Variants in FER observed in about 807,000 individuals in gnomAD.
The protein encoded by FER is tyrosine-protein kinase Fer.
In FER, 63 loss-of-function variants were observed where a neutral mutation model predicts 111.0. The ratio of observed to expected loss-of-function variants is 0.57; its 90% CI spans 0.46 to 0.70. The LOEUF (loss-of-function observed/expected upper bound fraction) is 0.70. Among genes scored for constraint, FER ranks in the 30% least tolerant of loss-of-function variants. The pLI, the probability that FER is intolerant of heterozygous loss-of-function variation, is 0.00. For missense variants in FER, 914 were observed against 954.0 expected, an observed-to-expected ratio of 0.96 and a Z score of 0.55; for synonymous variants, 327 against 313.9, an observed-to-expected ratio of 1.04 and a Z score of -0.44.
intron 17 of FER, 143 bp from the exon 18 acceptor site, chr5:109,180,604 A>G (rs1758191574): frequency 1.1e-6 from 1 of 877,586 alleles, no homozygotes; most frequent in African/African-American, 1.7e-5. Context: ...GACAGAAAAG[A>G]TGAGGACTGG....
Position 109,016,576 on chromosome 5 carries a change from C to T in FER, c.1657-20846C>T, listed in dbSNP as rs911788336. On this transcript the variant is annotated intron_variant, in intron 13 of 19. Coordinates refer to ENST00000281092, the MANE Select transcript of FER (RefSeq NM_005246.4). ...TGATATCAGACCAGCTTTCTCTTAT[C>T]ACTGATAAAGCCATGACCACAGATG... 1.1e-4 allele frequency among the ~76,000 whole-genome samples: 17 copies of T among 152,122 alleles called. No homozygotes were observed. The Middle Eastern group carries it at 0.024, about 213-fold the overall frequency.
intron 5 of FER, chr5:108,842,388 A>G (rs763178186): frequency 6.6e-6 from 1 of 152,202 alleles, no homozygotes; most frequent in African/African-American, 2.4e-5. Flanking sequence ...CAATAAAAAC[A>G]AAGATAAATA....
intron 16 of FER, among the ~76,000 whole-genome samples, chr5:109,058,461 A>G (rs1226241576): frequency 6.6e-6 from 1 of 152,072 alleles, no homozygotes; most frequent in Non-Finnish European, 1.5e-5. Flanking sequence ...ATGGTAAGAT[A>G]CTGTAGTATT....
At chr5:109,111,460 G>A (rs897125060) in intron 17 of FER, among the ~76,000 whole-genome samples, 2 of 152,068 alleles carry the variant, frequency 1.3e-5, no homozygotes, top group Non-Finnish European at 2.9e-5. Flanking sequence ...ATAGATTGGT[G>A]CAAAAGTAAT....
intron 13 of FER, among the ~76,000 whole-genome samples, chr5:108,977,550 A>C (rs1222824615): frequency 2.0e-5 from 3 of 152,156 alleles, no homozygotes; most frequent in Non-Finnish European, 4.4e-5. Flanking sequence ...TAGAACCTCA[A>C]ACTCAGCATT....
chr5:108,845,019 T>TATATATATATATATATATAC (rs1561502899), intron 5 of FER, among the ~76,000 whole-genome samples: 6 of 51,546 alleles, frequency 1.2e-4, no homozygotes, highest in Non-Finnish European at 1.9e-4. Context: ...TATATATATA[T>TATATATATATATATATATAC]ATATATATAT....
intron 10 of FER, among the ~76,000 whole-genome samples, chr5:108,913,905 A>G (rs541972851): frequency 1.3e-5 from 2 of 152,216 alleles, no homozygotes; most frequent in African/African-American, 2.4e-5. Flanking sequence ...CAGACATTAC[A>G]TATTCTGTGA....
At chr5:108,973,143 A>G (rs1381422455) in intron 13 of FER, among the ~76,000 whole-genome samples, 1 of 152,184 alleles carries the variant, frequency 6.6e-6, no homozygotes, top group Non-Finnish European at 1.5e-5. Flanking sequence ...TTTGAAAATT[A>G]AAGCCCTGTA....
At chr5:109,140,248 A>G (rs1753381607) in intron 17 of FER, among the ~76,000 whole-genome samples, 1 of 152,206 alleles carries the variant, frequency 6.6e-6, no homozygotes, top group Non-Finnish European at 1.5e-5. Context: ...TTTTACCTGT[A>G]CTAAACTAAA....
chr5:109,036,375 G>T (rs1447304783), intron 13 of FER, among the ~76,000 whole-genome samples: 1 of 152,162 alleles, frequency 6.6e-6, no homozygotes, highest in Middle Eastern at 3.4e-3. Flanking sequence ...TGTTGGTTGA[G>T]TGTTTGCCAC....
intron 17 of FER, among the ~76,000 whole-genome samples, chr5:109,171,345 C>A (rs1757074411): frequency 6.6e-6 from 1 of 152,130 alleles, no homozygotes; most frequent in Admixed American, 6.6e-5. Context: ...TGGGTGAAAA[C>A]TCTGTTAATC....
At chr5:109,108,969 G>A (rs534588228) in intron 17 of FER, among the ~76,000 whole-genome samples, 14 of 152,190 alleles carry the variant, frequency 9.2e-5, no homozygotes, top group African/African-American at 3.4e-4. Context: ...AAATACAAAA[G>A]CACTACAAGA....
intron 16 of FER, among the ~76,000 whole-genome samples, chr5:109,061,022 C>T (rs1774350714): frequency 2.0e-5 from 3 of 152,110 alleles, no homozygotes; most frequent in Non-Finnish European, 4.4e-5. Context: ...CTTGTGTAGT[C>T]AAGAATGACC....
intron 1 of FER, among the ~76,000 whole-genome samples, chr5:108,757,693 C>T (rs1751274182): frequency 6.6e-6 from 1 of 152,152 alleles, no homozygotes; most frequent in African/African-American, 2.4e-5. Context: ...CTGTCGCACC[C>T]TCAACAATAA....
Position 109,098,307 on chromosome 5 carries a change from G to C in FER, c.1925-2089G>C, listed in dbSNP as rs575198059. On this transcript the variant is annotated intron_variant, in intron 16 of 19. Coordinates refer to ENST00000281092, the MANE Select transcript of FER (RefSeq NM_005246.4). Reference sequence around the variant, plus strand: ...AAATAATTTGTTGAATAACAAATGTGTGTTGGGAGTACAAAGTATTATATC... The same window carrying C: ...AAATAATTTGTTGAATAACAAATGTCTGTTGGGAGTACAAAGTATTATATC... 8.7e-4 allele frequency among the ~76,000 whole-genome samples: 132 copies of C among 151,892 alleles called. 1 individual carries two copies. The highest frequency in any genetic ancestry group is 2.7e-3 in the African/African-American group (111 of 41,522).
At position 108,935,361 on chromosome 5, in the gene FER, C is replaced by T. The variant is rs191846027; in HGVS notation, c.1237-10769C>T. Among the ~76,000 whole-genome samples, 17 of 152,168 alleles carry T rather than the reference C, an allele frequency of 1.1e-4. No homozygotes were observed. The East Asian group carries it at 2.1e-3, about 19-fold the overall frequency. On this transcript the variant is annotated intron_variant, in intron 10 of 19. Transcript: ENST00000281092. ...CTCTAATCTGTCTCCTTCTTCACAT[C>T]GCCTTCTGTGTTTCTTCCTCTTCTA...
chr5:109,066,989 G>C (rs1299081698), intron 16 of FER, among the ~76,000 whole-genome samples: 2 of 152,188 alleles, frequency 1.3e-5, no homozygotes, highest in African/African-American at 2.4e-5. Context: ...GTTAAGATCT[G>C]AAAGACAAAA....
At chr5:109,063,563 T>G (rs1051024322) in intron 16 of FER, among the ~76,000 whole-genome samples, 1 of 152,214 alleles carries the variant, frequency 6.6e-6, no homozygotes, top group Non-Finnish European at 1.5e-5. Context: ...CTAACATAGT[T>G]TAACCCATTG....
chr5:108,983,674 T>C (rs1209777332), intron 13 of FER, among the ~76,000 whole-genome samples: 2 of 152,176 alleles, frequency 1.3e-5, no homozygotes, highest in East Asian at 3.9e-4. Flanking sequence ...CTGAAGTCTG[T>C]GGGTGAAATT....
Sources: allele counts gnomAD v4.1 joint callset (sites outside exome capture counted in the v4.1 genomes callset), GRCh38; gene constraint gnomAD v4.1.1; transcripts MANE v1.5; gene names NCBI Gene and HGNC (gene_info 2026-07-23, HGNC 2026-07-21).